SCFD2: variants seen among roughly 807,000 people sequenced by gnomAD.
The protein encoded by SCFD2 is sec1 family domain-containing protein 2.
In SCFD2, 54 loss-of-function variants were observed where a neutral mutation model predicts 58.9. The observed-to-expected ratio is 0.92, with a 90% CI of 0.74 to 1.15. The LOEUF is 1.15. SCFD2 is among the 50% of genes most tolerant of loss of function. The pLI is 0.00. For synonymous variants in SCFD2, 321 were observed against 335.9 expected, an observed-to-expected ratio of 0.96 and a Z score of 0.49; for missense variants, 805 against 836.6, an observed-to-expected ratio of 0.96 and a Z score of 0.47.
intron 5 of SCFD2, among the ~76,000 whole-genome samples, chr4:53,094,057 T>A (rs906549966): frequency 6.6e-6 from 1 of 152,136 alleles, no homozygotes; most frequent in Admixed American, 6.6e-5. Context: ...GGATGTAGGT[T>A]TAAGACCACT....
At chr4:53,213,457 AT>A (rs1728690569) in intron 4 of SCFD2, among the ~76,000 whole-genome samples, 1 of 152,152 alleles carries the variant, frequency 6.6e-6, no homozygotes, top group African/African-American at 2.4e-5. Flanking sequence ...CAGAGTGACT[AT>A]GATCTCGAAA....
At chr4:53,036,784 T>C (rs1197452313) in intron 5 of SCFD2, among the ~76,000 whole-genome samples, 1 of 152,172 alleles carries the variant, frequency 6.6e-6, no homozygotes, top group East Asian at 1.9e-4. Context: ...ATGGCACATG[T>C]ATACCTATGT....
At chr4:53,126,071 G>T (rs967405286) in intron 5 of SCFD2, among the ~76,000 whole-genome samples, 5 of 152,194 alleles carry the variant, frequency 3.3e-5, no homozygotes, top group Non-Finnish European at 5.9e-5. Flanking sequence ...AGTTGAAGTT[G>T]AGCTAAAACT....
At chr4:53,137,888 T>C (rs1223166084) in intron 5 of SCFD2, among the ~76,000 whole-genome samples, 1 of 152,184 alleles carries the variant, frequency 6.6e-6, no homozygotes, top group Admixed American at 6.5e-5. Flanking sequence ...ATTGGTTTGC[T>C]CCTAATAGGT....
chr4:53,055,620 T>C (rs1008155879), intron 5 of SCFD2, among the ~76,000 whole-genome samples: 2 of 151,950 alleles, frequency 1.3e-5, no homozygotes, highest in African/African-American at 2.4e-5. Context: ...AGGGAACAGC[T>C]ACCAATGACT....
chr4:52,898,041 T>C (rs577986823), intron 7 of SCFD2, among the ~76,000 whole-genome samples: 29 of 152,340 alleles, frequency 1.9e-4, no homozygotes, highest in South Asian at 1.9e-3. Context: ...TTGATTCTTC[T>C]CTCTTTTCTT....
intron 7 of SCFD2, among the ~76,000 whole-genome samples, chr4:52,900,560 T>C (rs1486263181): frequency 1.3e-5 from 2 of 152,036 alleles, no homozygotes; most frequent in African/African-American, 4.8e-5. Flanking sequence ...TACTGGGAGG[T>C]GCCTCCCAGT....
chr4:53,224,388 C>CA (rs144809985), intron 4 of SCFD2, among the ~76,000 whole-genome samples: 146 of 15,588 alleles, frequency 9.4e-3, no homozygotes, highest in East Asian at 0.047. Flanking sequence ...GACTCCGTCT[C>CA]AAAAAAAAAA....
intron 8 of SCFD2, among the ~76,000 whole-genome samples, chr4:52,876,899 C>T (rs1348524582): frequency 6.6e-6 from 1 of 152,102 alleles, no homozygotes; most frequent in Non-Finnish European, 1.5e-5. Flanking sequence ...AGGGCCCTCT[C>T]CTCCTGCTGT....
intron 7 of SCFD2, among the ~76,000 whole-genome samples, chr4:52,899,435 C>G (rs980466520): frequency 2.6e-5 from 4 of 152,138 alleles, no homozygotes; most frequent in African/African-American, 7.2e-5. Context: ...ATATGAAATT[C>G]TGGGTTGAAA....
intron 5 of SCFD2, among the ~76,000 whole-genome samples, chr4:53,083,339 A>G (rs1482491230): frequency 6.6e-6 from 1 of 152,132 alleles, no homozygotes; most frequent in Non-Finnish European, 1.5e-5. Context: ...TGGAAATGAG[A>G]AACATCTTAT....
intron 2 of SCFD2, among the ~76,000 whole-genome samples, chr4:53,343,156 T>A (rs1360281152): frequency 1.3e-5 from 2 of 151,896 alleles, no homozygotes; most frequent in Non-Finnish European, 2.9e-5. Flanking sequence ...ATCAAAAAAA[T>A]CAACGAATCC....
At chr4:53,260,023 G>A (rs182629504) in intron 4 of SCFD2, among the ~76,000 whole-genome samples, 14 of 150,356 alleles carry the variant, frequency 9.3e-5, no homozygotes, top group East Asian at 3.9e-4. Flanking sequence ...CAGCTTGGTC[G>A]CTGCTGGTGT....
chr4:53,227,583 G>T (rs1028047608), intron 4 of SCFD2, among the ~76,000 whole-genome samples: 1 of 152,114 alleles, frequency 6.6e-6, no homozygotes, highest in African/African-American at 2.4e-5. Context: ...TTTGGATCAA[G>T]CCTCACTACA....
At chr4:53,234,973 C>T (rs887115966) in intron 4 of SCFD2, among the ~76,000 whole-genome samples, 5 of 152,252 alleles carry the variant, frequency 3.3e-5, no homozygotes, top group Admixed American at 2.0e-4. Context: ...TAACCGACCA[C>T]GGTCTTCCCA....
At chr4:53,242,914 C>G (rs920418235) in intron 4 of SCFD2, among the ~76,000 whole-genome samples, 3 of 151,974 alleles carry the variant, frequency 2.0e-5, no homozygotes, top group South Asian at 4.2e-4. Flanking sequence ...CTGAAATAAG[C>G]CAGTCAGACA....
intron 6 of SCFD2, among the ~76,000 whole-genome samples, chr4:52,909,041 T>C (rs1429468088): frequency 6.6e-6 from 1 of 152,144 alleles, no homozygotes; most frequent in Non-Finnish European, 1.5e-5. Context: ...CTATTGACAC[T>C]CCAAAAGTTT....
chr4:53,235,464 T>C (rs923224706), intron 4 of SCFD2, among the ~76,000 whole-genome samples: 1 of 152,244 alleles, frequency 6.6e-6, no homozygotes, highest in African/African-American at 2.4e-5. Flanking sequence ...ATTCTACATT[T>C]GAGGACATAC....
intron 4 of SCFD2, among the ~76,000 whole-genome samples, chr4:53,187,845 C>A (rs1727782459): frequency 6.6e-6 from 1 of 152,036 alleles, no homozygotes; most frequent in Non-Finnish European, 1.5e-5. Context: ...TTTCTAAATT[C>A]TTTATGATAA....
Sources: gnomAD v4.1 joint callset for allele counts (sites outside exome capture counted in the v4.1 genomes callset) on GRCh38, gnomAD v4.1.1 for gene constraint, MANE v1.5 for transcripts, NCBI Gene and HGNC (gene_info 2026-07-23, HGNC 2026-07-21) for gene names.